The following ABCA13 variants were observed in gnomAD, a reference collection of about 807,000 sequenced individuals.
The protein encoded by ABCA13 is ATP-binding cassette sub-family A member 13.
A neutral mutation model predicts 478.7 loss-of-function variants in ABCA13; 476 were observed. The observed-to-expected ratio is 0.99, with a 90% CI of 0.92 to 1.07. The LOEUF is 1.07. ABCA13 is among the 50% of genes least tolerant of loss of function. The probability of loss-of-function intolerance (pLI) is 0.00; values close to 1 mark genes in which losing one functional copy is unlikely to be tolerated. For missense variants in ABCA13, 6,060 were observed against 5,910.6 expected, an observed-to-expected ratio of 1.03 and a Z score of -0.83; for synonymous variants, 2,252 against 2,158.9, an observed-to-expected ratio of 1.04 and a Z score of -1.20.
chr7:48,557,536 G>A (rs1785966808), intron 55 of ABCA13, among the ~76,000 whole-genome samples: 1 of 151,808 alleles, frequency 6.6e-6, no homozygotes, highest in Admixed American at 6.6e-5. Flanking sequence ...CTTTTTGCCT[G>A]TAAGGTTTCC....
At chr7:48,450,439 G>A (rs900056037) in intron 42 of ABCA13, among the ~76,000 whole-genome samples, 1 of 152,062 alleles carries the variant, frequency 6.6e-6, no homozygotes, top group South Asian at 2.1e-4. Flanking sequence ...TTTTTAAGTA[G>A]GTTAAAAAAT....
intron 29 of ABCA13, among the ~76,000 whole-genome samples, chr7:48,348,572 C>T (rs1413838158): frequency 6.6e-6 from 1 of 152,188 alleles, no homozygotes; most frequent in Admixed American, 6.5e-5. Flanking sequence ...TAACCAGGCC[C>T]TTCAGGCTCT....
intron 22 of ABCA13, among the ~76,000 whole-genome samples, chr7:48,297,790 T>A (rs992096226): frequency 2.6e-5 from 4 of 151,622 alleles, no homozygotes; most frequent in African/African-American, 9.7e-5. Context: ...TTCTTTCTTT[T>A]TTTTTTTTTG....
chr7:48,286,880 A>G (rs1001823206), intron 19 of ABCA13, among the ~76,000 whole-genome samples: 7 of 151,896 alleles, frequency 4.6e-5, no homozygotes, highest in African/African-American at 1.7e-4. Flanking sequence ...TTTTTTTTCT[A>G]ATTAAAAAAA....
intron 42 of ABCA13, among the ~76,000 whole-genome samples, chr7:48,441,555 A>G (rs1209788118): frequency 6.6e-6 from 1 of 152,206 alleles, no homozygotes; most frequent in Non-Finnish European, 1.5e-5. Flanking sequence ...GGACCCTAGT[A>G]GCTCCGTAGA....
intron 1 of ABCA13, among the ~76,000 whole-genome samples, chr7:48,172,976 A>T (rs1240724438): frequency 1.3e-5 from 2 of 152,180 alleles, no homozygotes; most frequent in South Asian, 4.1e-4. Context: ...CTATTTTCCC[A>T]TGAAAGAGTG....
chr7:48,643,227 G>T (rs1468361631), intron 59 of ABCA13, 61 bp from the exon 60 acceptor site: 2 of 1,115,092 alleles, frequency 1.8e-6, no homozygotes, highest in East Asian at 2.4e-5. Context: ...AATGGACTTA[G>T]AATTTACTCA....
At chr7:48,361,097 A>G (rs912858640) in intron 31 of ABCA13, among the ~76,000 whole-genome samples, 5 of 139,344 alleles carry the variant, frequency 3.6e-5, no homozygotes, top group South Asian at 4.5e-4. Context: ...CCCTGTTTGG[A>G]AAAAAAAAAA....
At chr7:48,319,811 C>T (rs376287968) in intron 27 of ABCA13, among the ~76,000 whole-genome samples, 1 of 152,170 alleles carries the variant, frequency 6.6e-6, no homozygotes, top group Non-Finnish European at 1.5e-5. Flanking sequence ...AAGGACTCTT[C>T]TCCTCTATCT....
intron 43 of ABCA13, among the ~76,000 whole-genome samples, chr7:48,459,029 C>T (rs886084835): frequency 6.6e-6 from 1 of 152,184 alleles, no homozygotes; most frequent in Non-Finnish European, 1.5e-5. Context: ...TGTTCTGAAT[C>T]AACTTGCTCT....
chr7:48,537,847 G>T (rs1563409104), intron 55 of ABCA13, among the ~76,000 whole-genome samples: 1 of 152,172 alleles, frequency 6.6e-6, no homozygotes, highest in East Asian at 1.9e-4. Context: ...GGAAACAGTT[G>T]TGAACTACTG....
At chr7:48,395,330 A>T (rs1816694999) in intron 38 of ABCA13, among the ~76,000 whole-genome samples, 2 of 152,216 alleles carry the variant, frequency 1.3e-5, no homozygotes, top group Admixed American at 1.3e-4. Context: ...GGAGAGGTCC[A>T]GTAGGGTGAG....
chr7:48,320,333 A>C, intron 27 of ABCA13, among the ~76,000 whole-genome samples: 1 of 152,076 alleles, frequency 6.6e-6, no homozygotes, highest in East Asian at 1.9e-4. Flanking sequence ...GTTAATTTTA[A>C]CTTTTGTTTT....
chr7:48,401,240 T>C (rs1297992754), intron 38 of ABCA13, among the ~76,000 whole-genome samples: 1 of 152,216 alleles, frequency 6.6e-6, no homozygotes, highest in East Asian at 1.9e-4. Context: ...ATGATACATG[T>C]CTAATAAATG....
In ABCA13 at chr7:48,317,153, A is replaced by G; in HGVS notation, c.9860-4A>G. ...AACTTTTTTTTTCTTTCTAATTGCA[A>G]CAGCACCGTTTTGCTTGAAGCTTTA... On this transcript the variant is annotated splice_polypyrimidine_tract_variant and splice_region_variant and intron_variant, in intron 26 of 61. Transcript: ENST00000435803. 1 of 1,609,218 alleles carries G rather than the reference A, an allele frequency of 6.2e-7. No homozygotes were observed. The highest frequency in any genetic ancestry group is 8.5e-7 in the Non-Finnish European group (1 of 1,178,696).
intron 31 of ABCA13, among the ~76,000 whole-genome samples, chr7:48,358,273 G>A (rs1255517618): frequency 8.2e-6 from 1 of 121,832 alleles, no homozygotes; most frequent in Non-Finnish European, 1.7e-5. Flanking sequence ...AGGGGACAAT[G>A]CCTGCCTGGC....
chr7:48,318,012 T>C lies in ABCA13; in HGVS notation c.9999+716T>C, dbSNP rs375293176. On this transcript the variant is annotated intron_variant, in intron 27 of 61. Coordinates refer to ENST00000435803, the MANE Select transcript of ABCA13 (RefSeq NM_152701.5). ...ACAGGCACCTGGAAAGGGGACATTT[T>C]ACCAAGGACACAGGAATAATTTGGT... Among the ~76,000 whole-genome samples the C allele has an allele frequency of 3.3e-5, 5 of 152,322 alleles. No individual in the cohort carries two copies. In the South Asian group the frequency reaches 1.0e-3, roughly 32 times the overall value.
At chr7:48,590,658 T>C (rs986463787) in intron 57 of ABCA13, among the ~76,000 whole-genome samples, 3 of 152,114 alleles carry the variant, frequency 2.0e-5, no homozygotes, top group African/African-American at 7.2e-5. Flanking sequence ...TTATCTTCTG[T>C]CCTTTTAACA....
intron 29 of ABCA13, among the ~76,000 whole-genome samples, chr7:48,342,516 T>C (rs2128961166): frequency 6.6e-6 from 1 of 152,324 alleles, no homozygotes; most frequent in South Asian, 2.1e-4. Flanking sequence ...TTTTACTTCT[T>C]TATTTCTTTC....
Sources: allele counts gnomAD v4.1 joint callset (sites outside exome capture counted in the v4.1 genomes callset), GRCh38; gene constraint gnomAD v4.1.1; transcripts MANE v1.5; gene names NCBI Gene and HGNC (gene_info 2026-07-23, HGNC 2026-07-21).